IPO11: variants seen among roughly 807,000 people sequenced by gnomAD.
IPO11 encodes importin 11.
In IPO11, 66 loss-of-function variants were observed where a neutral mutation model predicts 143.2. That is an observed-to-expected ratio of 0.46 (90% confidence interval 0.38 to 0.57). The LOEUF is 0.57. Among genes scored for constraint, IPO11 ranks in the 20% least tolerant of loss-of-function variants. The probability of loss-of-function intolerance (pLI) is 0.00; values close to 1 mark genes in which losing one functional copy is unlikely to be tolerated. For missense variants in IPO11, 1,026 were observed against 1,141.0 expected (o/e 0.90, Z 1.45); for synonymous variants, 385 against 377.8 (o/e 1.02, Z -0.22).
chr5:62,573,602 TC>T (rs1170131726), intron 27 of IPO11, among the ~76,000 whole-genome samples: 1 of 152,126 alleles, frequency 6.6e-6, no homozygotes, highest in Non-Finnish European at 1.5e-5. Flanking sequence ...CTTTGGCGGG[TC>T]AAAATAATGG....
intron 21 of IPO11, 167 bp downstream of exon 21, chr5:62,526,424 T>C: frequency 1.9e-6 from 1 of 524,094 alleles, no homozygotes; most frequent in Non-Finnish European, 3.4e-6. Context: ...TGTCAATCAG[T>C]GTAGGATTAT....
chr5:62,587,033 G>A (rs1260088593), intron 27 of IPO11, among the ~76,000 whole-genome samples: 1 of 149,802 alleles, frequency 6.7e-6, no homozygotes, highest in Non-Finnish European at 1.5e-5. Flanking sequence ...TCCTTTTCAT[G>A]GAAGCTTAGT....
rs114581688 is a variant in IPO11 at position 62,537,849 on chromosome 5, A to G, written c.2250+560A>G. ...TAGTATTAAATGTATATATTTACAT[A>G]TAAACATAAATGTATGTAGAAATAT... is the stretch of plus-strand genomic sequence containing the variant. On this transcript the variant is annotated intron_variant, in intron 24 of 29. Coordinates refer to ENST00000325324, the MANE Select transcript of IPO11 (RefSeq NM_016338.5). 6.5e-3 allele frequency among the ~76,000 whole-genome samples: 982 copies of G among 152,154 alleles called. 8 individuals carry two copies. The highest frequency in any genetic ancestry group is 0.023 in the African/African-American group (948 of 41,552).
chr5:62,556,437 C>G (rs1305813510), intron 26 of IPO11, among the ~76,000 whole-genome samples: 1 of 152,174 alleles, frequency 6.6e-6, no homozygotes, highest in Non-Finnish European at 1.5e-5. Flanking sequence ...TGAAAGCAAA[C>G]ACATTTTAAG....
At chr5:62,582,449 A>T (rs549809195) in intron 27 of IPO11, among the ~76,000 whole-genome samples, 1 of 152,282 alleles carries the variant, frequency 6.6e-6, no homozygotes, top group East Asian at 1.9e-4. Context: ...GGGCAAAATA[A>T]TGAGTCAGTT....
At chr5:62,579,516 C>T in intron 27 of IPO11, 1 of 1,550,976 alleles carries the variant, frequency 6.4e-7, no homozygotes, top group Non-Finnish European at 8.7e-7. Flanking sequence ...TATTACTCCA[C>T]AAAGAAATAC....
chr5:62,483,468 A>G, intron 10 of IPO11, 175 bp downstream of exon 10: 1 of 497,770 alleles, frequency 2.0e-6, no homozygotes, highest in Admixed American at 3.9e-5. Context: ...GCTTTTAAAA[A>G]CAACATAGTG....
rs1439621335 is a variant in IPO11, at chr5:62,524,222, G to C, written c.1897-1920G>C. 2.0e-5 allele frequency among the ~76,000 whole-genome samples: 3 copies of C among 151,934 alleles called. No homozygotes were observed. In the East Asian group the frequency reaches 5.8e-4, roughly 29 times the overall value. ...TTAGCCACTAGAATTATAAGGTATTGAATCTCTTCAAGCATTGATTAAGAC... is the reference window on the plus strand; with the variant it reads ...TTAGCCACTAGAATTATAAGGTATTCAATCTCTTCAAGCATTGATTAAGAC... On this transcript the variant is annotated intron_variant, in intron 20 of 29. Coordinates refer to ENST00000325324, the MANE Select transcript of IPO11 (RefSeq NM_016338.5).
chr5:62,447,711 G>A (rs1400602585), intron 3 of IPO11, among the ~76,000 whole-genome samples: 1 of 151,914 alleles, frequency 6.6e-6, no homozygotes, highest in Admixed American at 6.6e-5. Flanking sequence ...GCAGCCTCTG[G>A]AGTAGCTGGG....
At chr5:62,615,001 A>G (rs74647769) in intron 29 of IPO11, among the ~76,000 whole-genome samples, 3,820 of 152,100 alleles carry the variant, frequency 0.025, 92 homozygotes, top group Non-Finnish European at 0.032. Context: ...CCGAACTCCT[A>G]TTGGCGTTCT....
At chr5:62,558,589 G>A (rs1279022118) in intron 26 of IPO11, among the ~76,000 whole-genome samples, 2 of 152,042 alleles carry the variant, frequency 1.3e-5, no homozygotes, top group Admixed American at 6.6e-5. Context: ...CAAAAGTAAA[G>A]AATTTTTGCA....
chr5:62,463,825 A>ATT (rs1216895535), intron 5 of IPO11, among the ~76,000 whole-genome samples: 9 of 143,866 alleles, frequency 6.3e-5, no homozygotes, highest in African/African-American at 1.0e-4. Flanking sequence ...TTACTTCTGT[A>ATT]TTTTTTTTTT....
intron 5 of IPO11, among the ~76,000 whole-genome samples, chr5:62,462,208 A>G (rs766905512): frequency 3.9e-5 from 6 of 152,218 alleles, no homozygotes; most frequent in Non-Finnish European, 5.9e-5. Flanking sequence ...TTTAGAGTCA[A>G]ATGATAAATA....
intron 27 of IPO11, among the ~76,000 whole-genome samples, chr5:62,586,775 A>G (rs1366714908): frequency 2.4e-5 from 3 of 123,042 alleles, no homozygotes; most frequent in African/African-American, 9.7e-5. Flanking sequence ...AAAAATATAT[A>G]TATATATATA....
intron 1 of IPO11, among the ~76,000 whole-genome samples, chr5:62,432,396 T>TA (rs1214517349): frequency 6.6e-6 from 1 of 152,188 alleles, no homozygotes; most frequent in Non-Finnish European, 1.5e-5. Flanking sequence ...GTATGAGAAA[T>TA]ACTGGCTGGC....
chr5:62,573,675 A>T (rs1361376353), intron 27 of IPO11, among the ~76,000 whole-genome samples: 2 of 152,362 alleles, frequency 1.3e-5, no homozygotes, highest in East Asian at 3.9e-4. Context: ...GCCAGCTGTG[A>T]AAAGGTTAGC....
intron 2 of IPO11, among the ~76,000 whole-genome samples, chr5:62,441,884 T>A (rs1227703892): frequency 6.6e-6 from 1 of 151,408 alleles, no homozygotes; most frequent in African/African-American, 2.4e-5. Flanking sequence ...TCTCACTCTG[T>A]CACCAGGTTG....
chr5:62,557,435 G>T (rs576170462), intron 26 of IPO11, among the ~76,000 whole-genome samples: 7 of 152,070 alleles, frequency 4.6e-5, no homozygotes, highest in African/African-American at 1.7e-4. Context: ...CACCCGCCTC[G>T]GCCTCCCAAA....
Position 62,551,339 on chromosome 5 carries a change from A to G in IPO11, c.2460+3A>G. ...TGGCCCATAAATTTAATCAGGAGGT[A>G]AGAATCAATATACTTAAATTTAAGG... On this transcript the variant is annotated splice_donor_region_variant and intron_variant, in intron 26 of 29. Transcript: ENST00000325324. The G allele has an allele frequency of 7.3e-7, 1 of 1,360,824 alleles. No homozygotes were observed. The highest frequency in any genetic ancestry group is 1.4e-5 in the African/African-American group (1 of 70,026). 84.3% of individuals were successfully genotyped at this position (1,360,824 alleles called of 1,614,324 possible).
Sources: gnomAD v4.1 joint callset for allele counts (sites outside exome capture counted in the v4.1 genomes callset) on GRCh38, gnomAD v4.1.1 for gene constraint, MANE v1.5 for transcripts, NCBI Gene and HGNC (gene_info 2026-07-23, HGNC 2026-07-21) for gene names.